KIF13B: variants seen among roughly 807,000 people sequenced by gnomAD.
The protein encoded by KIF13B is kinesin-like protein KIF13B.
KIF13B carries 127 observed loss-of-function variants against 222.0 expected under a neutral mutation model. That is an observed-to-expected ratio of 0.57 (90% CI 0.50 to 0.66). The LOEUF is 0.66. KIF13B is among the 30% of genes least tolerant of loss of function. The pLI is 0.00. For missense variants in KIF13B, 2,173 were observed against 2,379.0 expected (o/e 0.91, Z 1.80); for synonymous variants, 976 against 919.0 (o/e 1.06, Z -1.12).
At chr8:29,247,733 T>C (rs934471186) in intron 1 of KIF13B, among the ~76,000 whole-genome samples, 8 of 147,476 alleles carry the variant, frequency 5.4e-5, no homozygotes, top group African/African-American at 2.0e-4. Context: ...ACTCAGAAGG[T>C]TGAGATAGGA....
intron 37 of KIF13B, among the ~76,000 whole-genome samples, chr8:29,078,274 G>C (rs10111109): frequency 0.45 from 66,359 of 147,632 alleles, 16,039 homozygotes; most frequent in Non-Finnish European, 0.56. Context: ...CTCCAGCCTG[G>C]CCAACAATAG....
intron 21 of KIF13B, among the ~76,000 whole-genome samples, chr8:29,135,668 G>A (rs755980109): frequency 1.6e-4 from 24 of 152,012 alleles, no homozygotes; most frequent in Non-Finnish European, 3.1e-4. Context: ...TTGGGAGGCC[G>A]AGGATCACTT....
chr8:29,183,063 TTTA>T (rs1325022361), intron 6 of KIF13B, among the ~76,000 whole-genome samples: 4 of 152,252 alleles, frequency 2.6e-5, no homozygotes, highest in African/African-American at 9.6e-5. Flanking sequence ...TGATTTTCAT[TTTA>T]TATTTTTGTT....
At chr8:29,086,419 G>C (rs1197736621) in intron 37 of KIF13B, among the ~76,000 whole-genome samples, 1 of 152,180 alleles carries the variant, frequency 6.6e-6, no homozygotes, top group Non-Finnish European at 1.5e-5. Context: ...TACTTGGGAG[G>C]CTGAGGTTAG....
intron 2 of KIF13B, among the ~76,000 whole-genome samples, chr8:29,243,469 C>T (rs796939186): frequency 2.1e-4 from 32 of 152,044 alleles, no homozygotes; most frequent in African/African-American, 7.5e-4. Context: ...CCAGGCTGGC[C>T]AACATGGCAA....
At chr8:29,262,072 G>C (rs1032679015) in intron 1 of KIF13B, among the ~76,000 whole-genome samples, 4 of 152,022 alleles carry the variant, frequency 2.6e-5, no homozygotes, top group African/African-American at 9.7e-5. Flanking sequence ...CCCAATGACA[G>C]GACCTTGTAT....
chr8:29,257,236 G>A (rs1000145402), intron 1 of KIF13B, among the ~76,000 whole-genome samples: 6 of 152,076 alleles, frequency 3.9e-5, no homozygotes, highest in Non-Finnish European at 7.3e-5. Context: ...TCCTCAGAGC[G>A]AAAGCCCCAT....
In KIF13B at chr8:29,132,214, C is replaced by A. The variant is rs935527796; in HGVS notation, c.2942+94G>T. ...TGAGCCAAGATCGTGCCACTGCACTCCAGCCTGGGTGACAGAGTGAATGAG... is the reference window on the plus strand; with the variant it reads ...TGAGCCAAGATCGTGCCACTGCACTACAGCCTGGGTGACAGAGTGAATGAG... On this transcript the variant is annotated intron_variant, in intron 23 of 39. Coordinates refer to ENST00000524189, the MANE Select transcript of KIF13B (RefSeq NM_015254.4). 5 of 1,001,786 alleles carry A rather than the reference C, an allele frequency of 5.0e-6. No individual in the cohort carries two copies. The African/African-American group carries it at 6.8e-5, about 14-fold the overall frequency. 62.1% of individuals were successfully genotyped at this position (1,001,786 alleles called of 1,614,324 possible).
chr8:29,154,157 T>C (rs1413179818), intron 14 of KIF13B, among the ~76,000 whole-genome samples: 2 of 152,058 alleles, frequency 1.3e-5, no homozygotes, highest in Non-Finnish European at 2.9e-5. Flanking sequence ...CAAAACTAAG[T>C]TTTTAAAAGA....
chr8:29,138,440 G>C (rs1810661992), intron 21 of KIF13B: 1 of 152,106 alleles, frequency 6.6e-6, no homozygotes, highest in Admixed American at 6.6e-5. Context: ...GTTGTTAATA[G>C]GAAGATTTTC....
intron 15 of KIF13B, among the ~76,000 whole-genome samples, chr8:29,149,047 G>A (rs374563847): frequency 4.6e-5 from 7 of 152,180 alleles, no homozygotes; most frequent in African/African-American, 7.2e-5. Flanking sequence ...AGGAAGGTGC[G>A]ACAGGAGGAA....
At chr8:29,206,583 T>C (rs1382019716) in intron 2 of KIF13B, among the ~76,000 whole-genome samples, 1 of 152,208 alleles carries the variant, frequency 6.6e-6, no homozygotes, top group Non-Finnish European at 1.5e-5. Flanking sequence ...TCCTAAGATA[T>C]GGTTTTCACC....
At chr8:29,108,505 T>A (rs1809203728) in intron 34 of KIF13B, among the ~76,000 whole-genome samples, 1 of 152,256 alleles carries the variant, frequency 6.6e-6, no homozygotes, top group Non-Finnish European at 1.5e-5. Flanking sequence ...CCAGGTTACT[T>A]GTTATCTAAC....
chr8:29,228,327 C>G (rs1563808045), intron 2 of KIF13B, among the ~76,000 whole-genome samples: 1 of 151,436 alleles, frequency 6.6e-6, no homozygotes, highest in Non-Finnish European at 1.5e-5. Context: ...ATTAGCCGGA[C>G]ATGGTGGCGG....
At chr8:29,127,383 C>A in intron 24 of KIF13B, 115 bp from the exon 25 acceptor site, 2 of 752,442 alleles carry the variant, frequency 2.7e-6, no homozygotes, top group Non-Finnish European at 4.2e-6. Flanking sequence ...GACACTGTCA[C>A]TATACCTTAT....
intron 35 of KIF13B, among the ~76,000 whole-genome samples, chr8:29,102,841 A>G (rs906885834): frequency 6.6e-6 from 1 of 152,232 alleles, no homozygotes; most frequent in Non-Finnish European, 1.5e-5. Context: ...TGTTCATGCT[A>G]TTGACTAATC....
chr8:29,186,078 C>T lies in KIF13B; in HGVS notation c.497+214G>A, dbSNP rs555172315. Among the ~76,000 whole-genome samples the T allele has an allele frequency of 1.8e-4, 27 of 152,210 alleles. 1 individual carries two copies. In the South Asian group the frequency reaches 3.1e-3, roughly 18 times the overall value. The stretch of plus-strand genomic sequence containing the variant: ...ACAGCCCACAAAGAGCTGAATTCCA[C>T]CTGAAATTTCTTGGGTTTAAAAACA... On this transcript the variant is annotated intron_variant, in intron 6 of 39. Transcript: ENST00000524189.
At chr8:29,194,625 A>C (rs1813338763) in intron 3 of KIF13B, among the ~76,000 whole-genome samples, 3 of 152,132 alleles carry the variant, frequency 2.0e-5, no homozygotes, top group South Asian at 4.1e-4. Flanking sequence ...TACAGCTCTA[A>C]ATGGTCCTCT....
chr8:29,096,574 G>A lies in KIF13B; in HGVS notation c.4324+2559C>T, dbSNP rs574812105. ...GCTAGGGCTACAGGTGGGAGCTACC[G>A]CACCCGGCCTACAGGTGGCTATTTT... On this transcript the variant is annotated intron_variant, in intron 36 of 39. Coordinates refer to ENST00000524189, the MANE Select transcript of KIF13B (RefSeq NM_015254.4). 3.3e-5 allele frequency among the ~76,000 whole-genome samples: 5 copies of A among 152,126 alleles called. No individual in the cohort carries two copies. The South Asian group carries it at 8.3e-4, about 25-fold the overall frequency.
Sources: gnomAD v4.1 joint callset for allele counts (sites outside exome capture counted in the v4.1 genomes callset) on GRCh38, gnomAD v4.1.1 for gene constraint, MANE v1.5 for transcripts, NCBI Gene and HGNC (gene_info 2026-07-23, HGNC 2026-07-21) for gene names.